The following ONECUT1 variants were observed in gnomAD, a reference collection of about 807,000 sequenced individuals.
ONECUT1 encodes one cut homeobox 1.
Under a neutral mutation model 25.6 loss-of-function variants are expected in ONECUT1, and 12 were observed. That is an observed-to-expected ratio of 0.47 (90% confidence interval 0.30 to 0.76). The LOEUF (loss-of-function observed/expected upper bound fraction) is 0.76. Ranked by LOEUF, ONECUT1 falls within the 30% of genes least tolerant of loss-of-function variation. ONECUT1 has a pLI of 0.07. For missense variants in ONECUT1, 620 were observed against 651.2 expected (o/e 0.95, Z 0.52); for synonymous variants, 285 against 270.2 (o/e 1.05, Z -0.54).
Position 52,789,744 on chromosome 15 carries a change from G to C in ONECUT1, c.141C>G (p.Pro47=), listed in dbSNP as rs763875233. 5 of 1,410,834 alleles carry C rather than the reference G, an allele frequency of 3.5e-6. No homozygotes were observed. The highest frequency in any genetic ancestry group is 2.2e-4 in the Middle Eastern group (1 of 4,454). 87.4% of individuals were successfully genotyped at this position (1,410,834 alleles called of 1,614,324 possible). A position where few individuals can be genotyped will look rare whatever the true frequency, so the allele number is the denominator to read the frequency against. Residue 47 remains proline (P), a synonymous_variant, in exon 1 of 2, where the codon CCC becomes CCG. Coordinates refer to ENST00000305901, the MANE Select transcript of ONECUT1 (RefSeq NM_004498.4). The surrounding 1 kb of genome is among the most constrained non-coding windows in gnomAD (Gnocchi z 4.1). Reference sequence around the variant, plus strand: ...CCATGCCCATGGAGCGCGGGTGCGCGGGGGGCAGGTGGCTGCCGCGGTGCG... The same window carrying C: ...CCATGCCCATGGAGCGCGGGTGCGCCGGGGGCAGGTGGCTGCCGCGGTGCG... ...SVAHRGSHLP[P]AHPRSMGMAS... is the part of the protein sequence containing the mutation.
rs377127981 is a variant in ONECUT1 at position 52,780,676 on chromosome 15, G to A, written c.1105+8104C>T. The A allele has an allele frequency of 5.9e-6, 9 of 1,533,054 alleles. No homozygotes were observed. The East Asian group carries it at 9.8e-5, about 17-fold the overall frequency. The allele number at this position is 1,533,054 out of a possible 1,614,324, so 95.0% of individuals were successfully genotyped here. The stretch of plus-strand genomic sequence containing the variant: ...CTCACGCACTTCAGTCGCAGAATCT[G>A]CAGCGAGCACAGAGGTCACTAGGTG... On this transcript the variant is annotated intron_variant, in intron 1 of 1. Coordinates refer to ENST00000305901, the MANE Select transcript of ONECUT1 (RefSeq NM_004498.4).
rs561632497 is a variant in ONECUT1 at position 52,757,504 on chromosome 15, T to C, written c.*51A>G. 62 of 1,543,466 alleles carry C rather than the reference T, an allele frequency of 4.0e-5. No individual in the cohort carries two copies. The highest frequency in any genetic ancestry group is 5.2e-5 in the Non-Finnish European group (60 of 1,149,054). On this transcript the variant is annotated 3_prime_UTR_variant, in exon 2 of 2. Transcript: ENST00000305901. ...CTTGAGGTCCTGGTCTTTTAAAAAT[T>C]TTTTTTAATTTAAAGCTTTTCCACC...
chr15:52,770,965 G>A (rs2083763862), intron 1 of ONECUT1, among the ~76,000 whole-genome samples: 1 of 152,094 alleles, frequency 6.6e-6, no homozygotes, highest in Non-Finnish European at 1.5e-5. Flanking sequence ...GGAGCAATAG[G>A]CACTTTTGAT....
chr15:52,774,288 G>GTTAT lies in ONECUT1; in HGVS notation c.1105+14488_1105+14491dup, dbSNP rs369887471. The stretch of plus-strand genomic sequence containing the variant: ...CTAATAATTTGCAACAAGAAATGAA[G>GTTAT]TTATTTATTTATTTATTTATTTATT... On this transcript the variant is annotated intron_variant, in intron 1 of 1. Transcript: ENST00000305901. 3.3e-3 allele frequency among the ~76,000 whole-genome samples: 500 copies of GTTAT among 150,108 alleles called. 2 individuals are homozygous for GTTAT. The highest frequency in any genetic ancestry group is 0.011 in the African/African-American group (461 of 41,054).
chr15:52,759,101 A>G (rs542466304), intron 1 of ONECUT1, among the ~76,000 whole-genome samples: 8 of 152,308 alleles, frequency 5.3e-5, no homozygotes, highest in African/African-American at 1.4e-4. Context: ...CTGTACTCTC[A>G]TCATGACCAT....
chr15:52,780,078 GC>G (rs1566993008), intron 1 of ONECUT1, among the ~76,000 whole-genome samples: 1 of 152,176 alleles, frequency 6.6e-6, no homozygotes, highest in Admixed American at 6.5e-5. Flanking sequence ...CTTCCCATCT[GC>G]CTGGTCCTCT....
intron 1 of ONECUT1, among the ~76,000 whole-genome samples, chr15:52,761,939 G>A (rs75868891): frequency 0.11 from 16,189 of 152,116 alleles, 1,651 homozygotes; most frequent in African/African-American, 0.28. Flanking sequence ...TCTGTTAAAG[G>A]TCTCCATTAG....
chr15:52,782,935 A>G (rs1351435083), intron 1 of ONECUT1, among the ~76,000 whole-genome samples: 1 of 152,170 alleles, frequency 6.6e-6, no homozygotes, highest in Admixed American at 6.5e-5. Context: ...TTAATTACCC[A>G]CCTTTATTAG....
chr15:52,768,252 C>A (rs933054921), intron 1 of ONECUT1, among the ~76,000 whole-genome samples: 23 of 152,130 alleles, frequency 1.5e-4, no homozygotes, highest in Admixed American at 1.1e-3. Context: ...CCCTAGTTAC[C>A]CTGATTTTAT....
At chr15:52,763,402 A>T (rs2083716808) in intron 1 of ONECUT1, among the ~76,000 whole-genome samples, 1 of 151,762 alleles carries the variant, frequency 6.6e-6, no homozygotes, top group Non-Finnish European at 1.5e-5. Flanking sequence ...ACAGAGCATG[A>T]GGGTGTGGGC....
At position 52,777,738 on chromosome 15, in the gene ONECUT1, A is replaced by ACACACACAC. The variant is rs1555416123; in HGVS notation, c.1105+11041_1105+11042insGTGTGTGTG. Among the ~76,000 whole-genome samples, 184 of 97,020 alleles carry ACACACACAC rather than the reference A, an allele frequency of 1.9e-3. 1 individual carries two copies. The highest frequency in any genetic ancestry group is 0.012 in the African/African-American group (165 of 13,416). 63.6% of individuals were successfully genotyped at this position (97,020 alleles called of 152,430 possible). A position where few individuals can be genotyped will look rare whatever the true frequency, so the allele number is the denominator to read the frequency against. On this transcript the variant is annotated intron_variant, in intron 1 of 1. Coordinates refer to ENST00000305901, the MANE Select transcript of ONECUT1 (RefSeq NM_004498.4). ...CACACACACACACACACACACACAC[A>ACACACACAC]AAAAAACATGTAAAGTTATTTGTTC... is the stretch of plus-strand genomic sequence containing the variant.
Position 52,789,620 on chromosome 15 carries a change from T to C in ONECUT1, c.265A>G (p.Met89Val). The change falls in exon 1 of 2, where the codon ATG becomes GTG. Residue 89 changes from methionine to valine, a missense_variant. Physicochemically the swap from Met to Val is conservative, Grantham distance 21. Coordinates refer to ENST00000305901, the MANE Select transcript of ONECUT1 (RefSeq NM_004498.4). The surrounding 1 kb of genome is among the most constrained non-coding windows in gnomAD (Gnocchi z 4.1). ...ATACCTGGGGGAGTCTCGCAGGCCA[T>C]GGTCATGGTGGGATGCAGGGGGCCG... ...LAGPLHPTMT[M>V]ACETPPGMSM... 5.8e-6 allele frequency: 9 copies of C among 1,558,986 alleles called. No homozygotes were observed. The East Asian group carries it at 9.1e-5, about 16-fold the overall frequency.
chr15:52,768,118 G>C (rs2083745817), intron 1 of ONECUT1, among the ~76,000 whole-genome samples: 1 of 152,034 alleles, frequency 6.6e-6, no homozygotes, highest in African/African-American at 2.4e-5. Context: ...AAGACCCAGT[G>C]TTAGGTGGCA....
At chr15:52,777,073 A>G (rs2083805688) in intron 1 of ONECUT1, among the ~76,000 whole-genome samples, 1 of 152,204 alleles carries the variant, frequency 6.6e-6, no homozygotes, top group Non-Finnish European at 1.5e-5. Flanking sequence ...ACTTTTTTAG[A>G]TGGAGGAGCA....
Position 52,789,643 on chromosome 15 carries a change from C to G in ONECUT1, c.242G>C (p.Gly81Ala). 1.3e-6 allele frequency: 2 copies of G among 1,550,464 alleles called. No homozygotes were observed. Among genetic ancestry groups the G allele is most frequent in the Non-Finnish European group, 8.7e-7 (1 of 1,148,892 alleles). Residue 81 changes from glycine (G) to alanine (A), a missense_variant, in exon 1 of 2, where the codon GGC becomes GCC. By Grantham distance (60) the Gly-to-Ala change is moderately conservative. Around this residue, in one of 4 missense-constraint regions of ONECUT1, gnomAD observed 440 missense variants for 404.9 expected, o/e 1.09. Coordinates refer to ENST00000305901, the MANE Select transcript of ONECUT1 (RefSeq NM_004498.4). This position sits in a 1 kb window ranked among gnomAD's most constrained non-coding sequence, Gnocchi z 4.1. ...HHRAPEHSLA[G>A]PLHPTMTMAC... ...CATGGTCATGGTGGGATGCAGGGGG[C>G]CGGCCAGGCTGTGCTCAGGGGCCCG...
chr15:52,784,274 G>A lies in ONECUT1; in HGVS notation c.1105+4506C>T, dbSNP rs1284011008. Among the ~76,000 whole-genome samples, 1 of 152,236 alleles carries A rather than the reference G, an allele frequency of 6.6e-6. No homozygotes were observed. The highest frequency in any genetic ancestry group is 1.5e-5 in the Non-Finnish European group (1 of 68,032). On this transcript the variant is annotated intron_variant, in intron 1 of 1. Transcript: ENST00000305901. The surrounding 1 kb of genome is among the most constrained non-coding windows in gnomAD (Gnocchi z 5.0). ...GCACTGTCCGACCCAAGTGTCGGTG[G>A]TAAGCGGCGATGTCGGGGCTGGGTC...
Position 52,780,807 on chromosome 15 carries a change from C to T in ONECUT1, c.1105+7973G>A, listed in dbSNP as rs2141460775. The T allele has an allele frequency of 3.6e-6, 5 of 1,383,576 alleles. No individual in the cohort carries two copies. In the South Asian group the frequency reaches 6.9e-5, roughly 19 times the overall value. 85.7% of individuals were successfully genotyped at this position (1,383,576 alleles called of 1,614,324 possible). ...TAGTTTATTGCGTTCCTTCGATAACCTCTCTTTGGGACTATGAGATCATCA... is the reference window on the plus strand; with the variant it reads ...TAGTTTATTGCGTTCCTTCGATAACTTCTCTTTGGGACTATGAGATCATCA... On this transcript the variant is annotated intron_variant, in intron 1 of 1. Coordinates refer to ENST00000305901, the MANE Select transcript of ONECUT1 (RefSeq NM_004498.4).
chr15:52,770,078 G>A (rs944965107), intron 1 of ONECUT1, among the ~76,000 whole-genome samples: 6 of 152,292 alleles, frequency 3.9e-5, no homozygotes, highest in African/African-American at 9.6e-5. Context: ...GGCTTTTTGA[G>A]TAGGACCTCT....
chr15:52,788,596 C>G lies in ONECUT1; in HGVS notation c.1105+184G>C. Reference sequence around the variant, plus strand: ...CTTCCACAGCCCAACACCCTGAGCCCTGGAGTAGGCAATTTGCTCCCACAG... The same window carrying G: ...CTTCCACAGCCCAACACCCTGAGCCGTGGAGTAGGCAATTTGCTCCCACAG... On this transcript the variant is annotated intron_variant, in intron 1 of 1. Coordinates refer to ENST00000305901, the MANE Select transcript of ONECUT1 (RefSeq NM_004498.4). This position sits in a 1 kb window ranked among gnomAD's most constrained non-coding sequence, Gnocchi z 4.3. 1 of 653,574 alleles carries G rather than the reference C, an allele frequency of 1.5e-6. No individual in the cohort carries two copies. Among genetic ancestry groups the G allele is most frequent in the Non-Finnish European group, 2.6e-6 (1 of 389,034 alleles). The allele number at this position is 653,574 out of a possible 1,614,324, so 40.5% of individuals were successfully genotyped here. A position where few individuals can be genotyped will look rare whatever the true frequency, so the allele number is the denominator to read the frequency against.
Sources: allele counts gnomAD v4.1 joint callset (sites outside exome capture counted in the v4.1 genomes callset), GRCh38; gene constraint gnomAD v4.1.1; regional missense constraint gnomAD v4.1.1; non-coding constraint Gnocchi (gnomAD v3.1); transcripts MANE v1.5; gene names NCBI Gene and HGNC (gene_info 2026-07-23, HGNC 2026-07-21).